The following CTNND2 variants were observed in gnomAD, a reference collection of about 807,000 sequenced individuals.
CTNND2 encodes the protein catenin delta-2.
CTNND2 carries 22 observed loss-of-function variants against 144.4 expected under a neutral mutation model. That is an observed-to-expected ratio of 0.15 (90% CI 0.11 to 0.22). The LOEUF is 0.22. Ranked by LOEUF, CTNND2 falls within the 10% of genes least tolerant of loss-of-function variation. The pLI is 1.00. For synonymous variants in CTNND2, 751 were observed against 695.6 expected (o/e 1.08, Z -1.25); for missense variants, 1,353 against 1,618.8 (o/e 0.84, Z 2.82).
chr5:11,172,129 G>A (rs13188937), intron 11 of CTNND2, among the ~76,000 whole-genome samples: 6 of 152,074 alleles, frequency 3.9e-5, no homozygotes, highest in African/African-American at 1.4e-4. Context: ...GAAAGATACC[G>A]ATGCACTAGC....
At chr5:11,812,584 C>T (rs924287338) in intron 1 of CTNND2, among the ~76,000 whole-genome samples, 2 of 152,142 alleles carry the variant, frequency 1.3e-5, no homozygotes, top group Non-Finnish European at 2.9e-5. Flanking sequence ...GCTGCCCCAT[C>T]CATTGTTAGA....
At chr5:11,397,560 C>T (rs912864639) in intron 5 of CTNND2, among the ~76,000 whole-genome samples, 2 of 152,078 alleles carry the variant, frequency 1.3e-5, no homozygotes, top group Admixed American at 6.5e-5. Flanking sequence ...CTCTACTTTT[C>T]GGTACCTGTT....
chr5:11,114,993 T>C (rs1255271117), intron 13 of CTNND2, among the ~76,000 whole-genome samples: 1 of 152,206 alleles, frequency 6.6e-6, no homozygotes, highest in Non-Finnish European at 1.5e-5. Context: ...GCTATGATTA[T>C]GCTCCTTGTC....
chr5:11,822,123 T>A (rs61761580), intron 1 of CTNND2, among the ~76,000 whole-genome samples: 1 of 152,162 alleles, frequency 6.6e-6, no homozygotes, highest in African/African-American at 2.4e-5. Context: ...AAATATAATG[T>A]CAATATTATC....
At chr5:11,514,928 T>C (rs938278176) in intron 3 of CTNND2, among the ~76,000 whole-genome samples, 1 of 152,074 alleles carries the variant, frequency 6.6e-6, no homozygotes, top group Non-Finnish European at 1.5e-5. Context: ...GCCTCTTGAG[T>C]AGCTGGGATT....
chr5:11,017,616 A>G (rs905368861), intron 18 of CTNND2, among the ~76,000 whole-genome samples: 7 of 125,600 alleles, frequency 5.6e-5, no homozygotes, highest in African/African-American at 1.0e-4. Context: ...ATATATATAT[A>G]TATATTTCCA....
chr5:11,881,221 T>C lies in CTNND2; in HGVS notation c.37+22596A>G, dbSNP rs545519386. On this transcript the variant is annotated intron_variant, in intron 1 of 21. Coordinates refer to ENST00000304623, the MANE Select transcript of CTNND2 (RefSeq NM_001332.4). ...GGCATACACGTGCTATTTCAATACA[T>C]GTATACAATGTGTAGTGATCAAATT... 2.0e-5 allele frequency among the ~76,000 whole-genome samples: 3 copies of C among 152,150 alleles called. No individual in the cohort carries two copies. In the South Asian group the frequency reaches 6.2e-4, roughly 31 times the overall value.
intron 12 of CTNND2, among the ~76,000 whole-genome samples, chr5:11,148,227 T>C (rs796172279): frequency 2.2e-4 from 34 of 152,306 alleles, no homozygotes; most frequent in African/African-American, 7.2e-4. Context: ...GTGATGAAAA[T>C]ATTTTGGAAC....
chr5:11,200,844 A>T (rs1391680900), intron 10 of CTNND2, among the ~76,000 whole-genome samples: 1 of 151,470 alleles, frequency 6.6e-6, no homozygotes. Context: ...ACGCCCGGCT[A>T]TTTTTTTTGT....
Position 11,578,866 on chromosome 5 carries a change from C to T in CTNND2, c.175-13810G>A, listed in dbSNP as rs527710011. Among the ~76,000 whole-genome samples the T allele has an allele frequency of 5.3e-5, 8 of 152,188 alleles. 1 individual carries two copies. The highest frequency in any genetic ancestry group is 1.3e-4 in the Admixed American group (2 of 15,290). ...TGATAAGGTATGTAATATATGTATG[C>T]ATGTCAACGCTTTTGTTTCATCTGA... On this transcript the variant is annotated intron_variant, in intron 2 of 21. Transcript: ENST00000304623.
At chr5:11,014,781 G>A (rs1404061586) in intron 18 of CTNND2, among the ~76,000 whole-genome samples, 1 of 152,142 alleles carries the variant, frequency 6.6e-6, no homozygotes, top group Non-Finnish European at 1.5e-5. Context: ...AAGAAAATGA[G>A]CATGACAGAT....
chr5:11,514,780 C>T (rs1019811962), intron 3 of CTNND2, among the ~76,000 whole-genome samples: 9 of 152,116 alleles, frequency 5.9e-5, no homozygotes, highest in African/African-American at 2.2e-4. Flanking sequence ...TGCATGCACC[C>T]CATTCCCCCC....
At position 11,255,774 on chromosome 5, in the gene CTNND2, G is replaced by C. The variant is rs545934683; in HGVS notation, c.1629-18951C>G. On this transcript the variant is annotated intron_variant, in intron 9 of 21. Coordinates refer to ENST00000304623, the MANE Select transcript of CTNND2 (RefSeq NM_001332.4). ...CTCCCAGCATCAATCAGTCACGAGA[G>C]CTGGAAACTCACTTTCCATAATACT... Among the ~76,000 whole-genome samples, 9 of 152,240 alleles carry C rather than the reference G, an allele frequency of 5.9e-5. No individual in the cohort carries two copies. The South Asian group carries it at 1.9e-3, about 32-fold the overall frequency.
At chr5:11,348,001 C>T (rs1292823402) in intron 8 of CTNND2, among the ~76,000 whole-genome samples, 1 of 152,130 alleles carries the variant, frequency 6.6e-6, no homozygotes, top group Non-Finnish European at 1.5e-5. Flanking sequence ...ACTTTCAAGA[C>T]TTCATCTTAG....
intron 10 of CTNND2, among the ~76,000 whole-genome samples, chr5:11,227,473 T>G (rs998880387): frequency 1.4e-4 from 22 of 152,310 alleles, no homozygotes; most frequent in Non-Finnish European, 2.5e-4. Context: ...ATACAGGCTC[T>G]TTTCCAAAAA....
At chr5:11,708,051 AT>A (rs11332164) in intron 2 of CTNND2, among the ~76,000 whole-genome samples, 9,843 of 140,658 alleles carry the variant, frequency 0.07, 995 homozygotes, top group African/African-American at 0.26. Flanking sequence ...TTTAAAGATG[AT>A]TTTTTTTTTT....
In CTNND2 at chr5:11,670,017, TAGTC is replaced by T. The variant is rs762991100; in HGVS notation, c.174+62115_174+62118del. On this transcript the variant is annotated intron_variant, in intron 2 of 21. Coordinates refer to ENST00000304623, the MANE Select transcript of CTNND2 (RefSeq NM_001332.4). Reference sequence around the variant, plus strand: ...TTCATTTCATTAATTGCTCAGTAGTTAGTCAGGAGCAGGTTGTTCAGTTTCCATG... The same window carrying T: ...TTCATTTCATTAATTGCTCAGTAGTTAGGAGCAGGTTGTTCAGTTTCCATG... Among the ~76,000 whole-genome samples the T allele has an allele frequency of 3.5e-4, 54 of 152,224 alleles. No homozygotes were observed. In the East Asian group the frequency reaches 7.9e-3, roughly 22 times the overall value.
intron 10 of CTNND2, among the ~76,000 whole-genome samples, chr5:11,219,744 T>C (rs921906886): frequency 5.3e-5 from 8 of 152,170 alleles, no homozygotes; most frequent in Admixed American, 1.3e-4. Flanking sequence ...CAGCCAGCCT[T>C]CAGAAGCTGA....
intron 9 of CTNND2, among the ~76,000 whole-genome samples, chr5:11,317,918 G>A (rs1030271523): frequency 1.3e-5 from 2 of 152,148 alleles, no homozygotes; most frequent in African/African-American, 2.4e-5. Context: ...CATGGATCAC[G>A]GTACTAAAAT....
Sources: gnomAD v4.1 joint callset for allele counts (sites outside exome capture counted in the v4.1 genomes callset) on GRCh38, gnomAD v4.1.1 for gene constraint, MANE v1.5 for transcripts, NCBI Gene and HGNC (gene_info 2026-07-23, HGNC 2026-07-21) for gene names.